The following BABAM2 variants were observed in gnomAD, a reference collection of about 807,000 sequenced individuals.
BABAM2 encodes the protein BRISC and BRCA1 A complex member 2.
Under a neutral mutation model 54.7 loss-of-function variants are expected in BABAM2, and 31 were observed. The ratio of observed to expected loss-of-function variants is 0.57; its 90% confidence interval spans 0.43 to 0.77. BABAM2 has a LOEUF of 0.77. Among genes scored for constraint, BABAM2 ranks in the 30% least tolerant of loss-of-function variants. BABAM2 has a pLI of 0.00. For missense variants in BABAM2, 364 were observed against 455.8 expected (o/e 0.80, Z 1.83); for synonymous variants, 167 against 162.9 (o/e 1.03, Z -0.19).
intron 3 of BABAM2, among the ~76,000 whole-genome samples, chr2:27,976,653 C>T (rs1029844060): frequency 6.6e-6 from 1 of 152,100 alleles, no homozygotes; most frequent in Non-Finnish European, 1.5e-5. Context: ...ACACAAATCT[C>T]TGCATGTTAT....
chr2:28,107,854 A>G (rs552408310), intron 6 of BABAM2, among the ~76,000 whole-genome samples: 1 of 152,316 alleles, frequency 6.6e-6, no homozygotes, highest in South Asian at 2.1e-4. Context: ...ATGTTTGTTG[A>G]ATGAATTCTG....
intron 5 of BABAM2, among the ~76,000 whole-genome samples, chr2:28,033,729 A>G (rs1676462713): frequency 6.6e-6 from 1 of 151,972 alleles, no homozygotes; most frequent in African/African-American, 2.4e-5. Flanking sequence ...AAATTTGTGA[A>G]TTTTATTTTG....
intron 11 of BABAM2, chr2:28,310,044 A>G (rs1688938175): frequency 6.3e-7 from 1 of 1,595,224 alleles, no homozygotes; most frequent in African/African-American, 1.3e-5. Flanking sequence ...CCCTTTTGAA[A>G]AGTATCTTAA....
chr2:28,184,295 CCT>C (rs1676032293), intron 7 of BABAM2, among the ~76,000 whole-genome samples: 1 of 122,386 alleles, frequency 8.2e-6, no homozygotes, highest in South Asian at 2.9e-4. Context: ...TCCCCCCCTC[CCT>C]CTCTCCCTCT....
At chr2:28,258,615 C>CTTTTCT (rs752905871) in intron 10 of BABAM2, among the ~76,000 whole-genome samples, 7 of 100,046 alleles carry the variant, frequency 7.0e-5, no homozygotes, top group Non-Finnish European at 1.1e-4. Context: ...TTTTTCTTTT[C>CTTTTCT]TTTTTTTTTT....
chr2:28,259,951 AG>A (rs1322234076), intron 10 of BABAM2, among the ~76,000 whole-genome samples: 1 of 150,688 alleles, frequency 6.6e-6, no homozygotes, highest in African/African-American at 2.4e-5. Flanking sequence ...CCCAGGCTGG[AG>A]TGCAGTGGCA....
Position 28,025,351 on chromosome 2 carries a change from C to T in BABAM2, c.426C>T (p.Tyr142=), listed in dbSNP as rs766905743. The change falls in exon 5 of 12, where the codon TAC becomes TAT. Residue 142 remains tyrosine, a synonymous_variant. Transcript: ENST00000379624. ...LRESSRLMFE[Y]QTLLEEPQYG... The stretch of plus-strand genomic sequence containing the variant: ...AGAGCTCCCGCCTCATGTTTGAATA[C>T]CAGACATTACTGGAGGAGCCACAGT... 6.2e-7 allele frequency: 1 copy of T among 1,612,160 alleles called. No homozygotes were observed.
At chr2:28,252,969 T>A (rs1683634241) in intron 10 of BABAM2, among the ~76,000 whole-genome samples, 1 of 152,258 alleles carries the variant, frequency 6.6e-6, no homozygotes, top group South Asian at 2.1e-4. Context: ...GAGTAACTCT[T>A]ATGTTATTGA....
chr2:28,251,328 C>A (rs1683462392), intron 10 of BABAM2, among the ~76,000 whole-genome samples: 1 of 152,004 alleles, frequency 6.6e-6, no homozygotes, highest in Admixed American at 6.6e-5. Flanking sequence ...TCCTTATAGG[C>A]CTGTAATCAA....
intron 1 of BABAM2, among the ~76,000 whole-genome samples, chr2:27,893,623 A>G (rs1558566217): frequency 6.6e-6 from 1 of 152,180 alleles, no homozygotes; most frequent in Non-Finnish European, 1.5e-5. Flanking sequence ...TGGGGATTCA[A>G]AACATAGACC....
chr2:27,929,177 A>G (rs1353040984), intron 2 of BABAM2, among the ~76,000 whole-genome samples: 3 of 152,072 alleles, frequency 2.0e-5, no homozygotes, highest in South Asian at 4.1e-4. Context: ...GATTGCACCA[A>G]TGCACTCCAG....
intron 11 of BABAM2, among the ~76,000 whole-genome samples, chr2:28,327,664 C>T (rs1418143055): frequency 2.0e-5 from 3 of 152,128 alleles, no homozygotes; most frequent in East Asian, 3.9e-4. Flanking sequence ...ATATCTCAAA[C>T]GCAAGGCAGA....
At chr2:28,009,200 G>C (rs1674207693) in intron 4 of BABAM2, among the ~76,000 whole-genome samples, 1 of 152,098 alleles carries the variant, frequency 6.6e-6, no homozygotes, top group African/African-American at 2.4e-5. Flanking sequence ...TAGGGCCAAG[G>C]AGCAGGTCTC....
intron 10 of BABAM2, among the ~76,000 whole-genome samples, chr2:28,258,615 C>CTTTCTTT (rs1684181258): frequency 1.0e-5 from 1 of 100,044 alleles, no homozygotes; most frequent in Non-Finnish European, 1.9e-5. Flanking sequence ...TTTTTCTTTT[C>CTTTCTTT]TTTTTTTTTT....
chr2:28,056,740 G>C (rs1678457007), intron 6 of BABAM2, among the ~76,000 whole-genome samples: 1 of 152,042 alleles, frequency 6.6e-6, no homozygotes, highest in South Asian at 2.1e-4. Context: ...TAATTATTTT[G>C]ACCACTAAAT....
At chr2:28,048,427 A>G (rs981406151) in intron 6 of BABAM2, among the ~76,000 whole-genome samples, 2 of 152,236 alleles carry the variant, frequency 1.3e-5, no homozygotes, top group African/African-American at 4.8e-5. Context: ...GTCTGATTTC[A>G]GAGTCTGAAT....
chr2:28,317,219 G>C (rs533227352), intron 11 of BABAM2, among the ~76,000 whole-genome samples: 1 of 152,290 alleles, frequency 6.6e-6, no homozygotes, highest in African/African-American at 2.4e-5. Flanking sequence ...GCCCCACCCT[G>C]ACTAAGCGTC....
At chr2:27,963,245 G>A (rs1156568845) in intron 3 of BABAM2, among the ~76,000 whole-genome samples, 1 of 152,102 alleles carries the variant, frequency 6.6e-6, no homozygotes, top group African/African-American at 2.4e-5. Flanking sequence ...TGAAGCGGGT[G>A]GATCACCTGA....
intron 3 of BABAM2, among the ~76,000 whole-genome samples, chr2:27,966,530 AC>A (rs757467456): frequency 2.0e-5 from 3 of 152,070 alleles, no homozygotes; most frequent in Non-Finnish European, 4.4e-5. Context: ...TGTTGATCTG[AC>A]CCCCAAAGCC....
Sources: allele counts gnomAD v4.1 joint callset (sites outside exome capture counted in the v4.1 genomes callset), GRCh38; gene constraint gnomAD v4.1.1; transcripts MANE v1.5; gene names NCBI Gene and HGNC (gene_info 2026-07-23, HGNC 2026-07-21).